SLC25A23: variants seen among roughly 807,000 people sequenced by gnomAD.
SLC25A23 encodes the protein solute carrier family 25 member 23.
SLC25A23 carries 32 observed loss-of-function variants against 53.9 expected under a neutral mutation model. The ratio of observed to expected loss-of-function variants is 0.59; its 90% CI spans 0.45 to 0.80. The LOEUF is 0.80. Among genes scored for constraint, SLC25A23 ranks in the 30% least tolerant of loss-of-function variants. The pLI, the probability that SLC25A23 is intolerant of heterozygous loss-of-function variation, is 0.00. For missense variants in SLC25A23, 575 were observed against 651.4 expected, an observed-to-expected ratio of 0.88 and a Z score of 1.28; for synonymous variants, 275 against 264.5, an observed-to-expected ratio of 1.04 and a Z score of -0.38.
chr19:6,439,757 G>T (rs1200052713), downstream of SLC25A23, among the ~76,000 whole-genome samples: 1 of 152,092 alleles, frequency 6.6e-6, no homozygotes, highest in African/African-American at 2.4e-5. Context: ...TTGAACCCGG[G>T]AGGCAGAGGT....
At chr19:6,448,317 A>T (rs2092536435) in intron 8 of SLC25A23, among the ~76,000 whole-genome samples, 1 of 152,214 alleles carries the variant, frequency 6.6e-6, no homozygotes, top group Non-Finnish European at 1.5e-5. Context: ...ATAGGCAAGT[A>T]CTTAACATTA....
intron 4 of SLC25A23, chr19:6,456,078 C>A (rs1216573475): frequency 4.4e-6 from 6 of 1,362,326 alleles, no homozygotes; most frequent in Non-Finnish European, 5.8e-6. Context: ...AGGCAGAGAA[C>A]CCAGCAGAAG....
At chr19:6,455,954 C>T (rs968749862) in intron 4 of SLC25A23, 7 of 1,176,680 alleles carry the variant, frequency 5.9e-6, no homozygotes, top group Non-Finnish European at 7.9e-6. Flanking sequence ...CGCCTGACCT[C>T]GTGATCCGCC....
At position 6,442,142 on chromosome 19, in the gene SLC25A23, G is replaced by A; in HGVS notation, c.1240C>T (p.Pro414Ser). Residue 414 changes from proline to serine, a missense_variant, in exon 10 of 10, where the codon CCC becomes TCC. Pro to Ser is a moderately conservative substitution (Grantham distance 74). Transcript: ENST00000301454. Reference sequence around the variant, plus strand: ...AGCAGACCCAGCATGGACAGCTGGGGGCCACCCTCGATGGAGGCTGGGAGG... The same window carrying A: ...AGCAGACCCAGCATGGACAGCTGGGAGCCACCCTCGATGGAGGCTGGGAGG... ...MQAQASIEGG[P>S]QLSMLGLLRH... The A allele has an allele frequency of 6.4e-7, 1 of 1,571,078 alleles. No individual in the cohort carries two copies.
At chr19:6,437,308 T>C (rs981011385), downstream of SLC25A23, among the ~76,000 whole-genome samples, 1 of 152,052 alleles carries the variant, frequency 6.6e-6, no homozygotes, top group African/African-American at 2.4e-5. Context: ...CCACCCACCC[T>C]GAATTTTCTA....
rs745332551 is a variant in SLC25A23 at position 6,459,161 on chromosome 19, A to T, written c.156+312T>A. Among the ~76,000 whole-genome samples the T allele has an allele frequency of 2.0e-5, 3 of 152,148 alleles. No homozygotes were observed. The highest frequency in any genetic ancestry group is 4.4e-5 in the Non-Finnish European group (3 of 68,012). On this transcript the variant is annotated intron_variant, in intron 1 of 9. Transcript: ENST00000301454. The surrounding 1 kb of genome is among the most constrained non-coding windows in gnomAD (Gnocchi z 4.6). ...GAGCAGGGCACGTCATGGGCTGTGC[A>T]GTCTGGAGGAGGGTGTGTCCCGGGC...
Position 6,458,211 on chromosome 19 carries a change from G to A in SLC25A23, c.270C>T (p.Asp90=), listed in dbSNP as rs2092709142. Residue 90 remains aspartate, a synonymous_variant, in exon 2 of 10, where the codon GAC becomes GAT. Coordinates refer to ENST00000301454, the MANE Select transcript of SLC25A23 (RefSeq NM_024103.3). ...GCCCGACCTTACCATCCTGGTTCCGGTCAAGACTGTGAAACATGAGCAGCA... is the reference window on the plus strand; with the variant it reads ...GCCCGACCTTACCATCCTGGTTCCGATCAAGACTGTGAAACATGAGCAGCA... ...QRLLLMFHSL[D]RNQDGHIDVS... 6.2e-7 allele frequency: 1 copy of A among 1,613,524 alleles called. No homozygotes were observed. Among genetic ancestry groups the A allele is most frequent in the Non-Finnish European group, 8.5e-7 (1 of 1,179,976 alleles).
intron 8 of SLC25A23, among the ~76,000 whole-genome samples, chr19:6,448,344 A>G (rs935351004): frequency 5.9e-5 from 9 of 152,226 alleles, no homozygotes; most frequent in Non-Finnish European, 7.3e-5. Flanking sequence ...TTGAAATTTT[A>G]GAAGCCTTCT....
chr19:6,442,061 T>TG lies in SLC25A23; in HGVS notation c.1320dup (p.Asn441GlnfsTer71). ...ACAGCTGGAATAACCTTCATGAAGT[T>TG]GGGGGCGATCCCCCGGTAGAGGCCC... On this transcript the variant is annotated frameshift_variant, in exon 10 of 10. Coordinates refer to ENST00000301454, the MANE Select transcript of SLC25A23 (RefSeq NM_024103.3). LOFTEE classifies it high-confidence loss of function. The TG allele has an allele frequency of 1.3e-6, 2 of 1,573,214 alleles. No homozygotes were observed. Among genetic ancestry groups the TG allele is most frequent in the African/African-American group, 1.4e-5 (1 of 72,200 alleles).
rs2092698729 is a variant in SLC25A23, at chr19:6,457,517, C to T, written c.357G>A (p.Glu119=). The change falls in exon 3 of 10, where the codon GAG becomes GAA. Residue 119 remains glutamate, a synonymous_variant. Coordinates refer to ENST00000301454, the MANE Select transcript of SLC25A23 (RefSeq NM_024103.3). Reference sequence around the variant, plus strand: ...CAGCGACTCACCTGTGCAAAATTTTCTCAGCCTGCTCCAGCGAGATGGAAA... The same window carrying T: ...CAGCGACTCACCTGTGCAAAATTTTTTCAGCCTGCTCCAGCGAGATGGAAA... ...LGISISLEQA[E]KILHSMDRDG... 6.2e-7 allele frequency: 1 copy of T among 1,614,054 alleles called. No individual in the cohort carries two copies. Among genetic ancestry groups the T allele is most frequent in the South Asian group, 1.1e-5 (1 of 91,076 alleles).
At position 6,444,451 on chromosome 19, in the gene SLC25A23, G is replaced by A. The variant is rs561772255; in HGVS notation, c.1072-150C>T. 6.4e-5 allele frequency: 50 copies of A among 786,324 alleles called. No individual in the cohort carries two copies. The African/African-American group carries it at 7.0e-4, about 11-fold the overall frequency. 48.7% of individuals were successfully genotyped at this position (786,324 alleles called of 1,614,324 possible). Reference sequence around the variant, plus strand: ...GGGGCCGGGCCAGCCCTTTCCCTGCGTCCCCTCACCCAGTCCTCATCTGGA... The same window carrying A: ...GGGGCCGGGCCAGCCCTTTCCCTGCATCCCCTCACCCAGTCCTCATCTGGA... On this transcript the variant is annotated intron_variant, in intron 8 of 9. Coordinates refer to ENST00000301454, the MANE Select transcript of SLC25A23 (RefSeq NM_024103.3).
chr19:6,440,637 T>G lies in SLC25A23; in HGVS notation c.*1338A>C. On this transcript the variant is annotated 3_prime_UTR_variant, in exon 10 of 10. Coordinates refer to ENST00000301454, the MANE Select transcript of SLC25A23 (RefSeq NM_024103.3). The stretch of plus-strand genomic sequence containing the variant: ...AAGTGTGGGGATGCAGGGAGTGGAG[T>G]GGTTCCAGGGAACAGTTTCCCCACA... 2.1e-5 allele frequency: 3 copies of G among 144,158 alleles called. No homozygotes were observed. Among genetic ancestry groups the G allele is most frequent in the African/African-American group, 7.8e-5 (3 of 38,646 alleles). The allele number at this position is 144,158 out of a possible 1,614,324, so 8.9% of individuals were successfully genotyped here. A position where few individuals can be genotyped will look rare whatever the true frequency, so the allele number is the denominator to read the frequency against.
At chr19:6,456,149 TG>T in intron 4 of SLC25A23, 1 of 1,416,884 alleles carries the variant, frequency 7.1e-7, no homozygotes, top group African/African-American at 1.4e-5. Context: ...CTTTCTTCCC[TG>T]TACCCGCAAC....
At chr19:6,439,393 TCTCTCTCACACACACACA>T (rs1177544176), downstream of SLC25A23, among the ~76,000 whole-genome samples, 2,739 of 129,492 alleles carry the variant, frequency 0.021, 34 homozygotes, top group African/African-American at 0.043. Context: ...TATCTCTCTC[TCTCTCTCACACACACACA>T]CACACACACA....
downstream of SLC25A23, among the ~76,000 whole-genome samples, chr19:6,439,212 CCT>C (rs1029307129): frequency 1.1e-4 from 17 of 151,554 alleles, no homozygotes; most frequent in African/African-American, 4.1e-4. Flanking sequence ...AGAGCGAGAC[CCT>C]GTCTCAAAAA....
chr19:6,448,511 C>T lies in SLC25A23; in HGVS notation c.1071+3801G>A, dbSNP rs551565270. Among the ~76,000 whole-genome samples, 29 of 151,500 alleles carry T rather than the reference C, an allele frequency of 1.9e-4. No individual in the cohort carries two copies. The South Asian group carries it at 6.1e-3, about 32-fold the overall frequency. ...TTTGAGATGAAATCTCGCTCTCTCA[C>T]CCAGGGTGGAGGGCAGTGGCGCGAT... On this transcript the variant is annotated intron_variant, in intron 8 of 9. Coordinates refer to ENST00000301454, the MANE Select transcript of SLC25A23 (RefSeq NM_024103.3).
At chr19:6,452,747 A>C in intron 7 of SLC25A23, 1 of 359,232 alleles carries the variant, frequency 2.8e-6, no homozygotes, top group South Asian at 5.3e-5. Context: ...AGAGATGGGG[A>C]CTCGCTACTT....
At chr19:6,445,123 T>A (rs2092484116) in intron 8 of SLC25A23, among the ~76,000 whole-genome samples, 2 of 144,786 alleles carry the variant, frequency 1.4e-5, no homozygotes, top group African/African-American at 5.2e-5. Context: ...TCTTTTTTTT[T>A]TCAGAGACGG....
chr19:6,439,388 C>CTG (rs779842585), downstream of SLC25A23, among the ~76,000 whole-genome samples: 1 of 45,326 alleles, frequency 2.2e-5, no homozygotes, highest in Non-Finnish European at 7.1e-5. Flanking sequence ...GATCCTATCT[C>CTG]TCTCTCTCTC....
Sources: gnomAD v4.1 joint callset for allele counts (sites outside exome capture counted in the v4.1 genomes callset) on GRCh38, gnomAD v4.1.1 for gene constraint, Gnocchi (gnomAD v3.1) non-coding constraint, MANE v1.5 for transcripts, NCBI Gene and HGNC (gene_info 2026-07-23, HGNC 2026-07-21) for gene names.